Variants in CAPN15 observed in about 807,000 individuals in gnomAD.
CAPN15 encodes the protein calpain-15.
In CAPN15, 53 loss-of-function variants were observed where a neutral mutation model predicts 97.9. The observed-to-expected ratio is 0.54, with a 90% confidence interval of 0.43 to 0.68. CAPN15 has a LOEUF of 0.68. Ranked by LOEUF, CAPN15 falls within the 30% of genes least tolerant of loss-of-function variation. The probability of loss-of-function intolerance (pLI) is 0.00; values close to 1 mark genes in which losing one functional copy is unlikely to be tolerated. For synonymous variants in CAPN15, 922 were observed against 722.5 expected, an observed-to-expected ratio of 1.28 and a Z score of -4.43; for missense variants, 1,592 against 1,589.8, an observed-to-expected ratio of 1.00 and a Z score of -0.02.
At position 535,203 on chromosome 16, in the gene CAPN15, C is replaced by T. The variant is rs1419608499; in HGVS notation, c.-136-826C>T. ...TCCCCACGGGTCACCCCCACTGAGC[C>T]CACCACCTACCGAGAGGCACCTCGA... On this transcript the variant is annotated intron_variant, in intron 2 of 13. Coordinates refer to ENST00000219611, the MANE Select transcript of CAPN15 (RefSeq NM_005632.3). This position sits in a 1 kb window ranked among gnomAD's most constrained non-coding sequence, Gnocchi z 6.2. 6.5e-6 allele frequency: 1 copy of T among 153,804 alleles called. No homozygotes were observed. Among genetic ancestry groups the T allele is most frequent in the East Asian group, 1.9e-4 (1 of 5,192 alleles). 9.5% of individuals were successfully genotyped at this position (153,804 alleles called of 1,614,324 possible).
chr16:547,275 GC>G lies in CAPN15; in HGVS notation c.438del (p.Trp147GlyfsTer140). The G allele has an allele frequency of 6.6e-7, 1 of 1,510,628 alleles. No homozygotes were observed. Among genetic ancestry groups the G allele is most frequent in the Non-Finnish European group, 8.8e-7 (1 of 1,134,170 alleles). The allele number at this position is 1,510,628 out of a possible 1,614,324, so 93.6% of individuals were successfully genotyped here. A position where few individuals can be genotyped will look rare whatever the true frequency, so the allele number is the denominator to read the frequency against. On this transcript the variant is annotated frameshift_variant, in exon 4 of 14. Transcript: ENST00000219611. LOFTEE classifies it high-confidence loss of function. ...EEEGAAEPRG[G>X]WACPRCTLHN... ...GAGGGAGCGGCGGAGCCCAGAGGGG[GC>G]TGGGCGTGTCCGCGTTGCACGCTGC...
Position 554,358 on chromosome 16 carries a change from TG to T in CAPN15, c.*844del, listed in dbSNP as rs1167907109. 5.2e-6 allele frequency: 2 copies of T among 385,984 alleles called. No individual in the cohort carries two copies. Among genetic ancestry groups the T allele is most frequent in the African/African-American group, 4.2e-5 (2 of 47,568 alleles). 23.9% of individuals were successfully genotyped at this position (385,984 alleles called of 1,614,324 possible). ...GAGCCCAGCTTTCTGCGTGCCCTCC[TG>T]GCCCCTCACTCCCGGCAGCGGGCCG... On this transcript the variant is annotated 3_prime_UTR_variant, in exon 14 of 14. Coordinates refer to ENST00000219611, the MANE Select transcript of CAPN15 (RefSeq NM_005632.3).
chr16:547,157 C>A lies in CAPN15; in HGVS notation c.319C>A (p.Pro107Thr). Reference sequence around the variant, plus strand: ...GGGCAGCTGCCAGGAGGAAGCAGGTCCAGTGAGGACTGCGGGGCTGGTGGC... The same window carrying A: ...GGGCAGCTGCCAGGAGGAAGCAGGTACAGTGAGGACTGCGGGGCTGGTGGC... ...PKGSCQEEAG[P>T]VRTAGLVATE... Residue 107 changes from proline to threonine, a missense_variant, in exon 4 of 14, where the codon CCA becomes ACA. Pro to Thr is a conservative substitution (Grantham distance 38). Around this residue, in one of 3 missense-constraint regions of CAPN15, gnomAD observed 883 missense variants for 776.6 expected, o/e 1.14. Coordinates refer to ENST00000219611, the MANE Select transcript of CAPN15 (RefSeq NM_005632.3). The A allele has an allele frequency of 6.5e-7, 1 of 1,546,730 alleles. No homozygotes were observed. The highest frequency in any genetic ancestry group is 2.3e-5 in the East Asian group (1 of 43,208).
In CAPN15 at chr16:552,646, C is replaced by A. The variant is rs1277509461; in HGVS notation, c.2779C>A (p.Pro927Thr). 6.5e-7 allele frequency: 1 copy of A among 1,537,960 alleles called. No individual in the cohort carries two copies. Among genetic ancestry groups the A allele is most frequent in the Non-Finnish European group, 8.7e-7 (1 of 1,143,204 alleles). ...AGGGGTCCCGAGAGCCTCCCCAGAG[C>A]CGCCGGGCCACGTGCTGGCTGTGTA... The part of the protein sequence containing the change: ...SAGVPRASPE[P>T]PGHVLAVYSS... Residue 927 changes from proline (P) to threonine (T), a missense_variant, in exon 12 of 14, where the codon CCG (proline) becomes ACG (threonine). Pro to Thr is a conservative substitution (Grantham distance 38). This residue lies in a region of CAPN15 where 644 missense variants were observed against 699.6 expected (regional missense o/e 0.92). Coordinates refer to ENST00000219611, the MANE Select transcript of CAPN15 (RefSeq NM_005632.3). The surrounding 1 kb of genome is among the most constrained non-coding windows in gnomAD (Gnocchi z 6.4).
chr16:549,229 G>T, intron 5 of CAPN15, 28 bp downstream of exon 5: 1 of 1,532,070 alleles, frequency 6.5e-7, no homozygotes. Flanking sequence ...GCCGGGGTGG[G>T]GCGGGTGGGC....
chr16:537,077 G>A, intron 3 of CAPN15: 1 of 936,102 alleles, frequency 1.1e-6, no homozygotes, highest in Non-Finnish European at 1.3e-6. Flanking sequence ...CCCGGAGAGG[G>A]CTTAACAGAG....
chr16:554,432 T>C lies in CAPN15; in HGVS notation c.*916T>C, dbSNP rs1596368907. 2 of 444,732 alleles carry C rather than the reference T, an allele frequency of 4.5e-6. No homozygotes were observed. Among genetic ancestry groups the C allele is most frequent in the East Asian group, 1.4e-4 (2 of 14,204 alleles). The allele number at this position is 444,732 out of a possible 1,614,324, so 27.5% of individuals were successfully genotyped here. ...TACCCCGGCAGGGGCTTCCGGGGCC[T>C]TTTCACCTGGAGAAACATTCCCACT... is the stretch of plus-strand genomic sequence containing the variant. On this transcript the variant is annotated 3_prime_UTR_variant, in exon 14 of 14. Transcript: ENST00000219611.
At chr16:546,123 C>T (rs2034563765) in intron 3 of CAPN15, among the ~76,000 whole-genome samples, 1 of 152,262 alleles carries the variant, frequency 6.6e-6, no homozygotes, top group Non-Finnish European at 1.5e-5. Context: ...AGAGCCCTCG[C>T]CACGCGGGGC....
At chr16:538,587 C>T (rs79834909) in intron 3 of CAPN15, 12,151 of 152,294 alleles carry the variant, frequency 0.08, 534 homozygotes, top group Middle Eastern at 0.14. Context: ...GGGGACTCGG[C>T]GGCTTCTGCC....
rs753054325 is a variant in CAPN15, at chr16:547,564, C to A, written c.726C>A (p.Asn242Lys). ...FSPFSSTLQN[N>K]PVPRSRREVP... ...CCTTCTCGTCCACCCTGCAGAACAA[C>A]CCCGTGCCGCGCAGCCGACGCGAGG... is the stretch of plus-strand genomic sequence containing the variant. The change falls in exon 4 of 14, where the codon AAC becomes AAA. Residue 242 changes from asparagine (N) to lysine (K), a missense_variant. Asn to Lys is a moderately conservative substitution (Grantham distance 94, BLOSUM62 0). Transcript: ENST00000219611. 1 of 1,590,122 alleles carries A rather than the reference C, an allele frequency of 6.3e-7. No individual in the cohort carries two copies. The highest frequency in any genetic ancestry group is 8.5e-7 in the Non-Finnish European group (1 of 1,173,084).
Position 553,379 on chromosome 16 carries a change from G to C in CAPN15, c.3124G>C (p.Gly1042Arg), listed in dbSNP as rs140169944. 6.3e-7 allele frequency: 1 copy of C among 1,578,452 alleles called. No individual in the cohort carries two copies. Residue 1042 changes from glycine to arginine, a missense_variant, in exon 14 of 14, where the codon GGC becomes CGC. Gly to Arg is a moderately radical substitution (Grantham distance 125, BLOSUM62 -2). This residue lies in a region of CAPN15 where 644 missense variants were observed against 699.6 expected (regional missense o/e 0.92). Transcript: ENST00000219611. ...VILSQLEGNA[G>R]FSITHRLAHR... is the part of the protein sequence containing the mutation. ...CTTGTCCCAGCTAGAGGGCAACGCC[G>C]GCTTCTCTATCACCCACCGCCTGGC...
At chr16:540,245 C>T in intron 3 of CAPN15, 3 of 985,488 alleles carry the variant, frequency 3.0e-6, no homozygotes, top group Non-Finnish European at 3.6e-6. Flanking sequence ...CACAGCTTCC[C>T]CGGGGGACCG....
At chr16:528,707 T>C in intron 1 of CAPN15, 1 of 985,424 alleles carries the variant, frequency 1.0e-6, no homozygotes, top group South Asian at 4.7e-5. Context: ...CTGGAGTTTG[T>C]TACCGGACTG....
intron 1 of CAPN15, among the ~76,000 whole-genome samples, chr16:530,622 G>A (rs2033183372): frequency 6.6e-6 from 1 of 152,218 alleles, no homozygotes; most frequent in Non-Finnish European, 1.5e-5. Flanking sequence ...ACAGCTGGGT[G>A]GAGACCTCCC....
intron 2 of CAPN15, among the ~76,000 whole-genome samples, chr16:534,213 G>T (rs2033507218): frequency 6.6e-6 from 1 of 152,278 alleles, no homozygotes; most frequent in African/African-American, 2.4e-5. Flanking sequence ...CGACGGTGAG[G>T]GCGGCCCGGG....
chr16:551,780 C>A, intron 9 of CAPN15, 116 bp downstream of exon 9: 1 of 1,336,868 alleles, frequency 7.5e-7, no homozygotes, highest in Non-Finnish European at 1.0e-6. Flanking sequence ...TTGTTCGTGG[C>A]CCAAATGGGA....
chr16:548,182 C>A lies in CAPN15; in HGVS notation c.1344C>A (p.Ala448=). 1 of 1,531,052 alleles carries A rather than the reference C, an allele frequency of 6.5e-7. No homozygotes were observed. Among genetic ancestry groups the A allele is most frequent in the Non-Finnish European group, 8.8e-7 (1 of 1,139,622 alleles). The allele number at this position is 1,531,052 out of a possible 1,614,324, so 94.8% of individuals were successfully genotyped here. ...TCCTGGTGGCCCAGCGGCGGGGGGC[C>A]GCGCCCCTGAGGCGCAGGGAGAGCA... ...PQLLVAQRRG[A]APLRRRESMH... Residue 448 remains alanine, a synonymous_variant, in exon 4 of 14, where the codon GCC becomes GCA. Coordinates refer to ENST00000219611, the MANE Select transcript of CAPN15 (RefSeq NM_005632.3).
In CAPN15 at chr16:552,153, A is replaced by G; in HGVS notation, c.2448A>G (p.Thr816=). 6.5e-7 allele frequency: 1 copy of G among 1,547,030 alleles called. No individual in the cohort carries two copies. Among genetic ancestry groups the G allele is most frequent in the Non-Finnish European group, 8.7e-7 (1 of 1,145,848 alleles). The change falls in exon 10 of 14, where the codon ACA becomes ACG. Residue 816 remains threonine, a synonymous_variant. Transcript: ENST00000219611. The surrounding 1 kb of genome is among the most constrained non-coding windows in gnomAD (Gnocchi z 6.4). ...CGGCCAGCGCGCCCGTGGGGGTAAC[A>G]GCGCTCACGGTGCTGGAGCGGGCCT... is the stretch of plus-strand genomic sequence containing the variant. The part of the protein sequence containing the change: ...PSSASAPVGV[T]ALTVLERASL...
Position 536,003 on chromosome 16 carries a change from G to GCCCCCCCCCC in CAPN15, c.-136-20_-136-11dup, listed in dbSNP as rs34150277. The GCCCCCCCCCC allele has an allele frequency of 7.3e-4, 25 of 34,072 alleles. 6 individuals carry two copies. Among genetic ancestry groups the GCCCCCCCCCC allele is most frequent in the African/African-American group, 9.8e-4 (5 of 5,128 alleles). 2.1% of individuals were successfully genotyped at this position (34,072 alleles called of 1,614,324 possible). ...CTCCTTGGTGACAGTGCCCCTGCACGCCCCCCCCCCCCCCCGGTTATTCAG... is the reference window on the plus strand; with the variant it reads ...CTCCTTGGTGACAGTGCCCCTGCACGCCCCCCCCCCCCCCCCCCCCCCCCCGGTTATTCAG... On this transcript the variant is annotated intron_variant, in intron 2 of 13. Transcript: ENST00000219611.
Sources: allele counts gnomAD v4.1 joint callset (sites outside exome capture counted in the v4.1 genomes callset), GRCh38; gene constraint gnomAD v4.1.1; regional missense constraint gnomAD v4.1.1; non-coding constraint Gnocchi (gnomAD v3.1); transcripts MANE v1.5; gene names NCBI Gene and HGNC (gene_info 2026-07-23, HGNC 2026-07-21).